PRRG1: variants seen among roughly 807,000 people sequenced by gnomAD.
The protein encoded by PRRG1 is transmembrane gamma-carboxyglutamic acid protein 1.
A neutral mutation model predicts 11.8 loss-of-function variants in PRRG1; 5 were observed. The ratio of observed to expected loss-of-function variants is 0.42; its 90% CI spans 0.22 to 0.89. The LOEUF is 0.89. PRRG1 is among the 40% of genes least tolerant of loss of function. PRRG1 has a pLI of 0.28. For missense variants in PRRG1, 155 were observed against 166.1 expected, an observed-to-expected ratio of 0.93 and a Z score of 0.37; for synonymous variants, 66 against 60.4, an observed-to-expected ratio of 1.09 and a Z score of -0.43.
chrX:37,429,442 A>G (rs1053814889), intron 3 of PRRG1, among the ~76,000 whole-genome samples: 7 of 111,511 alleles, frequency 6.3e-5, no homozygotes, highest in Admixed American at 4.8e-4. Context: ...AAGTTCCACA[A>G]ATCTCTAGGG....
intron 1 of PRRG1, among the ~76,000 whole-genome samples, chrX:37,385,470 A>T (rs1056522236): frequency 9.1e-6 from 1 of 109,760 alleles, no homozygotes; most frequent in Non-Finnish European, 1.9e-5. Context: ...ACTTTTCTGT[A>T]TGTATGAGAT....
At chrX:37,392,027 C>A (rs1233882379) in intron 1 of PRRG1, among the ~76,000 whole-genome samples, 3 of 109,623 alleles carry the variant, frequency 2.7e-5, no homozygotes, top group African/African-American at 9.9e-5. Flanking sequence ...ATTCAGTAAG[C>A]CATTTCATTG....
chrX:37,408,397 T>C (rs180719851), intron 2 of PRRG1, among the ~76,000 whole-genome samples: 1 of 111,956 alleles, frequency 8.9e-6, no homozygotes, highest in East Asian at 2.8e-4. Context: ...TTTGACCAGG[T>C]ATGTCGTTGA....
chrX:37,427,202 G>A (rs1401305214), intron 3 of PRRG1, among the ~76,000 whole-genome samples: 7 of 111,937 alleles, frequency 6.3e-5, no homozygotes, highest in Admixed American at 2.8e-4. Flanking sequence ...CTCCTTTAAA[G>A]AAATCGTAAG....
At chrX:37,390,628 T>A (rs1433035322) in intron 1 of PRRG1, among the ~76,000 whole-genome samples, 2 of 112,181 alleles carry the variant, frequency 1.8e-5, no homozygotes, top group African/African-American at 6.5e-5. Flanking sequence ...CTCTGCTAAT[T>A]CCAAATACAG....
Position 37,456,867 on chromosome X carries a change from T to G in PRRG1, c.*3246T>G, listed in dbSNP as rs1921377936. On this transcript the variant is annotated 3_prime_UTR_variant, in exon 4 of 4. Coordinates refer to ENST00000378628, the MANE Select transcript of PRRG1 (RefSeq NM_001142395.2). ...TTGAATCAACCAGTTTGCATTTAAATAAAAGAACAGGCTCAGTGGTCTTCC... is the reference window on the plus strand; with the variant it reads ...TTGAATCAACCAGTTTGCATTTAAAGAAAAGAACAGGCTCAGTGGTCTTCC... 1 of 112,445 alleles carries G rather than the reference T, an allele frequency of 8.9e-6. No homozygotes were observed. Among genetic ancestry groups the G allele is most frequent in the African/African-American group, 3.2e-5 (1 of 30,964 alleles). The allele number at this position is 112,445 out of a possible 1,213,427, so 9.3% of individuals were successfully genotyped here.
intron 3 of PRRG1, among the ~76,000 whole-genome samples, chrX:37,440,209 T>C (rs944927228): frequency 8.0e-5 from 9 of 112,343 alleles, no homozygotes; most frequent in Non-Finnish European, 1.7e-4. Flanking sequence ...CCAGTGATAC[T>C]TCCAATTTCT....
intron 1 of PRRG1, among the ~76,000 whole-genome samples, chrX:37,395,607 T>C (rs1931686888): frequency 1.0e-5 from 1 of 95,316 alleles, no homozygotes; most frequent in Admixed American, 1.1e-4. Context: ...AAAGTGAGAC[T>C]CCATCTCAAA....
intron 2 of PRRG1, among the ~76,000 whole-genome samples, chrX:37,420,775 T>A (rs782554814): frequency 9.6e-6 from 1 of 104,425 alleles, no homozygotes; most frequent in Non-Finnish European, 2.0e-5. Flanking sequence ...GGTGGAAGGG[T>A]CGCTTTAGCC....
intron 2 of PRRG1, among the ~76,000 whole-genome samples, chrX:37,415,550 T>G (rs1932472359): frequency 1.8e-5 from 2 of 112,367 alleles, no homozygotes; most frequent in African/African-American, 6.5e-5. Context: ...TAGGAAGAGT[T>G]TATTGAATAT....
intron 2 of PRRG1, among the ~76,000 whole-genome samples, chrX:37,413,220 C>A (rs782506627): frequency 8.1e-5 from 9 of 110,430 alleles, no homozygotes; most frequent in African/African-American, 3.0e-4. Context: ...TGGGTAAATG[C>A]GTAAAGAATG....
intron 1 of PRRG1, among the ~76,000 whole-genome samples, chrX:37,401,839 C>T (rs1206504731): frequency 0.018 from 1,972 of 110,330 alleles, 49 homozygotes; most frequent in African/African-American, 0.062. Flanking sequence ...TATACACCAA[C>T]AACAGACAAA....
At position 37,456,206 on chromosome X, in the gene PRRG1, C is replaced by T; in HGVS notation, c.*2585C>T. 8.9e-6 allele frequency: 1 copy of T among 111,804 alleles called. No homozygotes were observed. Among genetic ancestry groups the T allele is most frequent in the South Asian group, 3.8e-4 (1 of 2,664 alleles). 9.2% of individuals were successfully genotyped at this position (111,804 alleles called of 1,213,427 possible). Reference sequence around the variant, plus strand: ...GATATAAACCTCATGAACAAAAGTACTTTGGCATCCAGATTCTCAATAAAT... The same window carrying T: ...GATATAAACCTCATGAACAAAAGTATTTTGGCATCCAGATTCTCAATAAAT... On this transcript the variant is annotated 3_prime_UTR_variant, in exon 4 of 4. Transcript: ENST00000378628.
intron 3 of PRRG1, chrX:37,441,570 C>A: frequency 1.3e-6 from 1 of 771,856 alleles, no homozygotes; most frequent in Non-Finnish European, 1.5e-6. Flanking sequence ...ACCACCCCAA[C>A]TGCGAGGCCG....
chrX:37,354,402 T>A (rs782697008), intron 1 of PRRG1, among the ~76,000 whole-genome samples: 51 of 107,680 alleles, frequency 4.7e-4, no homozygotes, highest in Non-Finnish European at 7.5e-4. Flanking sequence ...TTTATTTTTT[T>A]TTTTTATTGG....
chrX:37,424,709 T>C (rs1398829408), intron 2 of PRRG1, among the ~76,000 whole-genome samples: 1 of 109,796 alleles, frequency 9.1e-6, no homozygotes, highest in African/African-American at 3.3e-5. Context: ...CTGGTATAAG[T>C]GTCATCTAGC....
At chrX:37,414,042 G>C (rs782365228) in intron 2 of PRRG1, among the ~76,000 whole-genome samples, 40 of 111,456 alleles carry the variant, frequency 3.6e-4, no homozygotes, top group African/African-American at 1.2e-3. Flanking sequence ...TGATGTTTGC[G>C]TAACAACAAA....
At chrX:37,356,753 T>G (rs1382114436) in intron 1 of PRRG1, among the ~76,000 whole-genome samples, 2 of 111,111 alleles carry the variant, frequency 1.8e-5, no homozygotes, top group African/African-American at 6.6e-5. Flanking sequence ...AAACTTTAGT[T>G]TTTTAGAGCA....
intron 1 of PRRG1, among the ~76,000 whole-genome samples, chrX:37,397,072 C>T (rs1236689979): frequency 8.9e-6 from 1 of 112,514 alleles, no homozygotes; most frequent in Non-Finnish European, 1.9e-5. Context: ...TGACTGAAGA[C>T]AGGAAAGAAC....
Sources: gnomAD v4.1 joint callset for allele counts (sites outside exome capture counted in the v4.1 genomes callset) on GRCh38, gnomAD v4.1.1 for gene constraint, MANE v1.5 for transcripts, NCBI Gene and HGNC (gene_info 2026-07-23, HGNC 2026-07-21) for gene names.